PCDHGA2: variants seen among roughly 807,000 people sequenced by gnomAD.
PCDHGA2 encodes protocadherin gamma subfamily A, 2, also known as protocadherin gamma-A2.
Under a neutral mutation model 59.2 loss-of-function variants are expected in PCDHGA2, and 40 were observed. The ratio of observed to expected loss-of-function variants is 0.68; its 90% CI spans 0.52 to 0.88. The LOEUF is 0.88. Ranked by LOEUF, PCDHGA2 falls within the 40% of genes least tolerant of loss-of-function variation. PCDHGA2 has a pLI of 0.00. For synonymous variants in PCDHGA2, 560 were observed against 526.0 expected, an observed-to-expected ratio of 1.06 and a Z score of -0.89; for missense variants, 1,226 against 1,204.0, an observed-to-expected ratio of 1.02 and a Z score of -0.27.
chr5:141,405,192 G>A (rs2154536235), intron 1 of PCDHGA2: 5 of 1,613,938 alleles, frequency 3.1e-6, no homozygotes, highest in East Asian at 2.2e-5. Context: ...GATGGGGTTC[G>A]AGCTTTCCTA....
At position 141,340,199 on chromosome 5, in the gene PCDHGA2, C is replaced by G. The variant is rs759084093; in HGVS notation, c.1228C>G (p.Leu410Val). 6.2e-7 allele frequency: 1 copy of G among 1,614,056 alleles called. No individual in the cohort carries two copies. The highest frequency in any genetic ancestry group is 2.2e-5 in the East Asian group (1 of 44,886). ...NYYRLVTTRA[L>V]DREQFSFYNI... ...CTACCGACTGGTTACAACCAGAGCC[C>G]TTGACAGGGAACAGTTTTCCTTTTA... is the stretch of plus-strand genomic sequence containing the variant. Residue 410 changes from leucine to valine, a missense_variant, in exon 1 of 4, where the codon CTT becomes GTT. Transcript: ENST00000394576.
chr5:141,376,504 T>C, intron 1 of PCDHGA2: 1 of 1,614,034 alleles, frequency 6.2e-7, no homozygotes, highest in African/African-American at 1.3e-5. Context: ...CCAGGCAACT[T>C]CAGGTGAGTT....
intron 2 of PCDHGA2, among the ~76,000 whole-genome samples, chr5:141,497,006 T>C (rs947830895): frequency 1.3e-5 from 2 of 151,678 alleles, no homozygotes; most frequent in South Asian, 2.1e-4. Context: ...GCAGCCAACA[T>C]GGTGAAACCC....
rs140459920 is a variant in PCDHGA2, at chr5:141,386,998, C to T, written c.2424+45603C>T. ...TGTGTTTTGAGGCTATGTATTATCCCCCTGATAACTTTGAAGATGAATGTT... is the reference window on the plus strand; with the variant it reads ...TGTGTTTTGAGGCTATGTATTATCCTCCTGATAACTTTGAAGATGAATGTT... On this transcript the variant is annotated intron_variant, in intron 1 of 3. Coordinates refer to ENST00000394576, the MANE Select transcript of PCDHGA2 (RefSeq NM_018915.4). Among the ~76,000 whole-genome samples, 1,144 of 152,176 alleles carry T rather than the reference C, an allele frequency of 7.5e-3. 3 individuals are homozygous for T. The highest frequency in any genetic ancestry group is 0.012 in the Non-Finnish European group (791 of 68,006).
rs1243112302 is a variant in PCDHGA2, at chr5:141,476,738, C to G, written c.2425-18069C>G. 6.2e-7 allele frequency: 1 copy of G among 1,614,076 alleles called. No homozygotes were observed. Among genetic ancestry groups the G allele is most frequent in the Non-Finnish European group, 8.5e-7 (1 of 1,180,028 alleles). On this transcript the variant is annotated intron_variant, in intron 1 of 3. Transcript: ENST00000394576. This position sits in a 1 kb window ranked among gnomAD's most constrained non-coding sequence, Gnocchi z 7.6. ...GCGCGCCCTGGACCGAGAACGGGAG[C>G]CTAGTCTCCAGTTAGTGCTGACGGC...
intron 1 of PCDHGA2, among the ~76,000 whole-genome samples, chr5:141,484,084 T>A (rs1030166144): frequency 3.3e-5 from 5 of 152,174 alleles, no homozygotes; most frequent in African/African-American, 4.8e-5. Flanking sequence ...TCTTTTGAAA[T>A]GGTCTTCGTT....
At chr5:141,382,978 T>G in intron 1 of PCDHGA2, 1 of 1,610,702 alleles carries the variant, frequency 6.2e-7, no homozygotes, top group Non-Finnish European at 8.5e-7. Context: ...CTGGGAAGCC[T>G]GGGCAGGACG....
chr5:141,415,740 G>GTTTTTTTTTTTTTTTTTT (rs57426385), intron 1 of PCDHGA2: 15 of 625,028 alleles, frequency 2.4e-5, no homozygotes, highest in African/African-American at 7.5e-5. Flanking sequence ...GTTTATTAAG[G>GTTTTTTTTTTTTTTTTTT]TTTTTTTTTT....
intron 1 of PCDHGA2, chr5:141,414,582 C>T (rs2095761888): frequency 2.5e-6 from 4 of 1,613,862 alleles, no homozygotes; most frequent in Non-Finnish European, 3.4e-6. Flanking sequence ...CAGAGAACAA[C>T]GCCAGGGGTG....
At chr5:141,423,303 G>C (rs779246046) in intron 1 of PCDHGA2, 2 of 1,614,172 alleles carry the variant, frequency 1.2e-6, no homozygotes, top group Non-Finnish European at 1.7e-6. Flanking sequence ...ACCTCTCGCT[G>C]TACTTGGTGG....
chr5:141,379,889 CTTTTTTTTTTT>C (rs70988800), intron 1 of PCDHGA2, among the ~76,000 whole-genome samples: 218 of 50,846 alleles, frequency 4.3e-3, no homozygotes, highest in African/African-American at 5.5e-3. Flanking sequence ...GTGAAAGCCT[CTTTTTTTTTTT>C]TTTTTTTTTT....
rs992843398 is a variant in PCDHGA2 at position 141,374,547 on chromosome 5, T to C, written c.2424+33152T>C. On this transcript the variant is annotated intron_variant, in intron 1 of 3. Transcript: ENST00000394576. ...GCTCCATCCTCTCGTTTTCCACTAA[T>C]GGAGGTCTATGACCCTGATGTGGGA... 2.5e-6 allele frequency: 4 copies of C among 1,613,438 alleles called. No homozygotes were observed. The highest frequency in any genetic ancestry group is 1.7e-5 in the Admixed American group (1 of 60,028).
At chr5:141,370,820 C>CA in intron 1 of PCDHGA2, 1 of 1,614,062 alleles carries the variant, frequency 6.2e-7, no homozygotes, top group Non-Finnish European at 8.5e-7. Flanking sequence ...AGCTGGAAAT[C>CA]AGCGAACTGG....
intron 1 of PCDHGA2, chr5:141,344,501 T>C: frequency 6.2e-7 from 1 of 1,613,986 alleles, no homozygotes; most frequent in Non-Finnish European, 8.5e-7. Flanking sequence ...CAATTAAAAC[T>C]GCTTTTGACC....
intron 1 of PCDHGA2, chr5:141,346,281 C>T: frequency 6.2e-7 from 1 of 1,614,220 alleles, no homozygotes; most frequent in Non-Finnish European, 8.5e-7. Flanking sequence ...TCGGGCTTTC[C>T]TGCAGACCTA....
At position 141,432,627 on chromosome 5, in the gene PCDHGA2, C is replaced by A. The variant is rs886117102; in HGVS notation, c.2425-62180C>A. 1 of 1,613,652 alleles carries A rather than the reference C, an allele frequency of 6.2e-7. No homozygotes were observed. The highest frequency in any genetic ancestry group is 8.5e-7 in the Non-Finnish European group (1 of 1,179,952). On this transcript the variant is annotated intron_variant, in intron 1 of 3. Transcript: ENST00000394576. This position sits in a 1 kb window ranked among gnomAD's most constrained non-coding sequence, Gnocchi z 6.0. ...GGACTCTTCTCGGTGGGTCTGCACA[C>A]GGGCGAGGTGCGCACGGCGCGAGCC...
At chr5:141,370,986 G>A in intron 1 of PCDHGA2, 2 of 1,613,992 alleles carry the variant, frequency 1.2e-6, no homozygotes, top group Non-Finnish European at 1.7e-6. Context: ...AGTACTGAAA[G>A]CACCCCTGGA....
intron 1 of PCDHGA2, chr5:141,384,751 G>T (rs1403362361): frequency 1.2e-6 from 2 of 1,614,050 alleles, no homozygotes; most frequent in East Asian, 4.5e-5. Flanking sequence ...AGGACTCTTT[G>T]CGGTTGGGCT....
At chr5:141,462,071 C>T (rs1473972601) in intron 1 of PCDHGA2, among the ~76,000 whole-genome samples, 1 of 152,214 alleles carries the variant, frequency 6.6e-6, no homozygotes, top group African/African-American at 2.4e-5. Context: ...GATCTGCCCG[C>T]CTTGGCCTCC....
Sources: allele counts gnomAD v4.1 joint callset (sites outside exome capture counted in the v4.1 genomes callset), GRCh38; gene constraint gnomAD v4.1.1; non-coding constraint Gnocchi (gnomAD v3.1); transcripts MANE v1.5; gene names NCBI Gene and HGNC (gene_info 2026-07-23, HGNC 2026-07-21).